SYTL2: variants seen among roughly 807,000 people sequenced by gnomAD.
SYTL2 encodes synaptotagmin like 2.
A neutral mutation model predicts 198.7 loss-of-function variants in SYTL2; 165 were observed. The observed-to-expected ratio is 0.83, with a 90% CI of 0.73 to 0.94. The LOEUF (loss-of-function observed/expected upper bound fraction) is 0.94. Among genes scored for constraint, SYTL2 ranks in the 40% least tolerant of loss-of-function variants. The pLI is 0.00. For missense variants in SYTL2, 2,835 were observed against 2,582.8 expected, an observed-to-expected ratio of 1.10 and a Z score of -2.12; for synonymous variants, 966 against 917.7, an observed-to-expected ratio of 1.05 and a Z score of -0.95.
At chr11:85,848,006 C>T in the SYTL2 span, among the ~76,000 whole-genome samples, 5 of 152,190 alleles carry the variant, frequency 3.3e-5, no homozygotes, top group African/African-American at 1.2e-4. Flanking sequence ...GCGGGAGAAT[C>T]GCCTCAGGTT....
Position 85,724,684 on chromosome 11 carries a change from T to C in SYTL2, c.4674A>G (p.Leu1558=), listed in dbSNP as rs1443556042. Residue 1558 remains leucine (L), a synonymous_variant, in exon 8 of 20, where the codon TTA becomes TTG. Coordinates refer to ENST00000359152, the MANE Select transcript of SYTL2 (RefSeq NM_206927.4). ...CAGCATCAAAAGCACTCTCAGTTAT[T>C]AACGGAGCCTCGGCCTTTTCTACTG... The part of the protein sequence containing the change: ...KETVEKAEAP[L]ITESAFDAGF... 1.3e-5 allele frequency: 21 copies of C among 1,613,948 alleles called. No individual in the cohort carries two copies. The highest frequency in any genetic ancestry group is 1.7e-5 in the Non-Finnish European group (20 of 1,179,994).
chr11:85,766,579 G>C (rs1041534058), intron 1 of SYTL2, among the ~76,000 whole-genome samples: 1 of 152,176 alleles, frequency 6.6e-6, no homozygotes, highest in Non-Finnish European at 1.5e-5. Flanking sequence ...GCTTGCCTAA[G>C]TTCAAAATAC....
chr11:85,817,006 G>A, the SYTL2 span, among the ~76,000 whole-genome samples: 1 of 150,916 alleles, frequency 6.6e-6, no homozygotes, highest in Non-Finnish European at 1.5e-5. Flanking sequence ...GACCTTTTTA[G>A]TTTTATTTAT....
At chr11:85,760,398 CTT>C (rs2092064682) in intron 1 of SYTL2, among the ~76,000 whole-genome samples, 1 of 152,188 alleles carries the variant, frequency 6.6e-6, no homozygotes, top group Non-Finnish European at 1.5e-5. Flanking sequence ...CTCAGTCTCT[CTT>C]GATTGTGAGT....
At position 85,748,172 on chromosome 11, in the gene SYTL2, A is replaced by T. The variant is rs1409981542; in HGVS notation, c.253+100T>A. The stretch of plus-strand genomic sequence containing the variant: ...CACACATTATGAAAAGTGTACATCC[A>T]AATGATTTCCATCAGCAGATTTCTG... On this transcript the variant is annotated intron_variant, in intron 3 of 19. Coordinates refer to ENST00000359152, the MANE Select transcript of SYTL2 (RefSeq NM_206927.4). 1.7e-5 allele frequency: 23 copies of T among 1,341,332 alleles called. No individual in the cohort carries two copies. In the Admixed American group the frequency reaches 4.6e-4, roughly 27 times the overall value. The allele number at this position is 1,341,332 out of a possible 1,614,324, so 83.1% of individuals were successfully genotyped here. A position where few individuals can be genotyped will look rare whatever the true frequency, so the allele number is the denominator to read the frequency against.
At chr11:85,782,774 C>A (rs1264052472) in intron 1 of SYTL2, among the ~76,000 whole-genome samples, 1 of 152,222 alleles carries the variant, frequency 6.6e-6, no homozygotes, top group Non-Finnish European at 1.5e-5. Flanking sequence ...ATCTCTAAGA[C>A]AGGGGCAAAA....
intron 8 of SYTL2, among the ~76,000 whole-genome samples, chr11:85,722,914 A>G (rs1032908825): frequency 2.0e-5 from 3 of 152,122 alleles, no homozygotes; most frequent in Non-Finnish European, 2.9e-5. Context: ...GCTACTTACA[A>G]AGGAGTCCAC....
At chr11:85,708,118 G>A (rs891062211) in intron 14 of SYTL2, 20 of 431,680 alleles carry the variant, frequency 4.6e-5, no homozygotes, top group Admixed American at 1.9e-4. Flanking sequence ...AGCTGAGATC[G>A]TGCCAGCCTG....
At chr11:85,810,810 T>C (rs1380879596) in intron 1 of SYTL2, 144 bp downstream of exon 1, 1 of 152,292 alleles carries the variant, frequency 6.6e-6, no homozygotes, top group East Asian at 1.9e-4. Context: ...GTTCCCATTT[T>C]AGAACTGGTT....
intron 1 of SYTL2, among the ~76,000 whole-genome samples, chr11:85,804,366 A>G (rs1175855702): frequency 6.6e-6 from 1 of 152,218 alleles, no homozygotes; most frequent in Non-Finnish European, 1.5e-5. Flanking sequence ...GGGTACAGAT[A>G]GCGTACAATT....
chr11:85,841,802 A>G, the SYTL2 span, among the ~76,000 whole-genome samples: 1 of 152,214 alleles, frequency 6.6e-6, no homozygotes, highest in Admixed American at 6.5e-5. Context: ...AAACCTGCAC[A>G]TGTACCCCTG....
At chr11:85,822,387 C>G in the SYTL2 span, among the ~76,000 whole-genome samples, 1 of 152,214 alleles carries the variant, frequency 6.6e-6, no homozygotes, top group African/African-American at 2.4e-5. Flanking sequence ...ACTATTTGCT[C>G]TACACTTTAC....
At chr11:85,787,530 G>C (rs528396843) in intron 1 of SYTL2, among the ~76,000 whole-genome samples, 1 of 152,074 alleles carries the variant, frequency 6.6e-6, no homozygotes, top group African/African-American at 2.4e-5. Flanking sequence ...ATAGAGGATG[G>C]AGTAAATGGG....
intron 18 of SYTL2, 89 bp downstream of exon 18, chr11:85,697,890 G>A (rs536520534): frequency 2.8e-6 from 2 of 711,272 alleles, no homozygotes; most frequent in African/African-American, 1.8e-5. Flanking sequence ...TATGAATGAT[G>A]AGTCAGTATT....
chr11:85,854,068 C>CA, the SYTL2 span: 2 of 152,124 alleles, frequency 1.3e-5, no homozygotes, highest in East Asian at 3.9e-4. Flanking sequence ...AACTCCTTAC[C>CA]GCAAGCAATC....
the SYTL2 span, among the ~76,000 whole-genome samples, chr11:85,845,423 G>T: frequency 2.0e-5 from 3 of 152,120 alleles, no homozygotes; most frequent in East Asian, 3.9e-4. Flanking sequence ...GTAATTTGTT[G>T]TGCAATAATA....
chr11:85,728,536 C>T (rs2089479720), intron 7 of SYTL2, among the ~76,000 whole-genome samples: 1 of 152,156 alleles, frequency 6.6e-6, no homozygotes. Flanking sequence ...CCACTCACCT[C>T]AGCCTCCGAA....
chr11:85,848,603 T>C, the SYTL2 span, among the ~76,000 whole-genome samples: 1 of 152,260 alleles, frequency 6.6e-6, no homozygotes, highest in Admixed American at 6.5e-5. Flanking sequence ...CAATTGATCC[T>C]ATATGTACAA....
chr11:85,719,995 G>C (rs530378106), intron 9 of SYTL2, among the ~76,000 whole-genome samples: 24 of 152,218 alleles, frequency 1.6e-4, no homozygotes, highest in African/African-American at 5.8e-4. Flanking sequence ...GTGCATTTTA[G>C]CTTGAAAATA....
Sources: allele counts gnomAD v4.1 joint callset (sites outside exome capture counted in the v4.1 genomes callset), GRCh38; gene constraint gnomAD v4.1.1; transcripts MANE v1.5; gene names NCBI Gene and HGNC (gene_info 2026-07-23, HGNC 2026-07-21).